Variants in TRPC4 observed in about 807,000 individuals in gnomAD.
TRPC4 encodes transient receptor potential cation channel subfamily C member 4.
In TRPC4, 49 loss-of-function variants were observed where a neutral mutation model predicts 99.4. The observed-to-expected ratio is 0.49, with a 90% confidence interval of 0.39 to 0.63. TRPC4 has a LOEUF of 0.63. Among genes scored for constraint, TRPC4 ranks in the 20% least tolerant of loss-of-function variants. TRPC4 has a pLI of 0.00. For missense variants in TRPC4, 898 were observed against 1,152.9 expected, an observed-to-expected ratio of 0.78 and a Z score of 3.20; for synonymous variants, 454 against 425.9, an observed-to-expected ratio of 1.07 and a Z score of -0.81.
At chr13:37,792,972 T>G (rs1034775751) in intron 1 of TRPC4, among the ~76,000 whole-genome samples, 2 of 151,984 alleles carry the variant, frequency 1.3e-5, no homozygotes, top group African/African-American at 4.8e-5. Context: ...TGTGTCTGTG[T>G]GAGGGAAAAA....
At chr13:37,830,156 T>C (rs2139588699) in intron 1 of TRPC4, among the ~76,000 whole-genome samples, 1 of 152,236 alleles carries the variant, frequency 6.6e-6, no homozygotes, top group South Asian at 2.1e-4. Context: ...TGAATTATAT[T>C]TTGATCATTT....
At chr13:37,862,874 G>A (rs911362506) in intron 1 of TRPC4, among the ~76,000 whole-genome samples, 7 of 151,288 alleles carry the variant, frequency 4.6e-5, no homozygotes, top group Admixed American at 2.0e-4. Context: ...ACACAGTCAC[G>A]CATCACATAA....
rs10514843 is a variant in TRPC4 at position 37,774,207 on chromosome 13, T to C, written c.378+8749A>G. Among the ~76,000 whole-genome samples the C allele has an allele frequency of 4.7e-3, 715 of 151,812 alleles. 45 individuals carry two copies. The East Asian group carries it at 0.12, about 26-fold the overall frequency. On this transcript the variant is annotated intron_variant, in intron 2 of 10. Transcript: ENST00000379705. ...TTTTTAAGGGAAGAGAGATTATACA[T>C]CCAGTTGACAAATTTACAACTATAA...
chr13:37,702,146 C>G (rs1165178507), intron 3 of TRPC4, among the ~76,000 whole-genome samples: 1 of 152,150 alleles, frequency 6.6e-6, no homozygotes, highest in Non-Finnish European at 1.5e-5. Context: ...ACGTGGCATT[C>G]TCCCTGTATG....
intron 2 of TRPC4, among the ~76,000 whole-genome samples, chr13:37,765,737 T>C (rs2139263910): frequency 6.6e-6 from 1 of 151,626 alleles, no homozygotes; most frequent in Non-Finnish European, 1.5e-5. Context: ...GGGCGTTTGT[T>C]GATCTGTATT....
intron 3 of TRPC4, among the ~76,000 whole-genome samples, chr13:37,743,435 A>G (rs995950430): frequency 7.9e-5 from 12 of 152,106 alleles, no homozygotes; most frequent in African/African-American, 2.9e-4. Flanking sequence ...TGACATTGAA[A>G]CCACTTTTTA....
intron 2 of TRPC4, among the ~76,000 whole-genome samples, chr13:37,766,031 T>G (rs1208918296): frequency 6.6e-6 from 1 of 151,426 alleles, no homozygotes; most frequent in Non-Finnish European, 1.5e-5. Context: ...ATGCAGCACA[T>G]GAATTAATGT....
Position 37,663,315 on chromosome 13 carries a change from C to T in TRPC4, c.1688+101G>A, listed in dbSNP as rs148059618. 1.1e-4 allele frequency: 129 copies of T among 1,164,900 alleles called. 2 individuals carry two copies. In the African/African-American group the frequency reaches 1.7e-3, roughly 15 times the overall value. 72.2% of individuals were successfully genotyped at this position (1,164,900 alleles called of 1,614,324 possible). ...TGCATTAAGCACAATTTTAGTTCCC[C>T]ATTTTCTTTACAACCATTTGTCATA... On this transcript the variant is annotated intron_variant, in intron 6 of 10. Transcript: ENST00000379705.
At chr13:37,822,934 TG>T (rs1312372977) in intron 1 of TRPC4, among the ~76,000 whole-genome samples, 5 of 147,982 alleles carry the variant, frequency 3.4e-5, no homozygotes, top group Non-Finnish European at 6.0e-5. Flanking sequence ...CAGCACCTGT[TG>T]TTTCCTGACT....
At chr13:37,671,080 G>A (rs949755270) in intron 5 of TRPC4, among the ~76,000 whole-genome samples, 1 of 152,122 alleles carries the variant, frequency 6.6e-6, no homozygotes, top group Non-Finnish European at 1.5e-5. Context: ...CTCTTGGGCA[G>A]ATTTGCATTT....
At chr13:37,772,094 C>A (rs1183183831) in intron 2 of TRPC4, among the ~76,000 whole-genome samples, 1 of 151,802 alleles carries the variant, frequency 6.6e-6, no homozygotes, top group Non-Finnish European at 1.5e-5. Flanking sequence ...CTGAAAGCTA[C>A]AACAGCAATT....
intron 1 of TRPC4, among the ~76,000 whole-genome samples, chr13:37,820,122 C>G (rs912984897): frequency 6.6e-6 from 1 of 151,970 alleles, no homozygotes; most frequent in Admixed American, 6.6e-5. Context: ...TTACCACCAA[C>G]CTCACAGAAA....
At position 37,637,505 on chromosome 13, in the gene TRPC4, C is replaced by G. The variant is rs1366391378; in HGVS notation, c.2332G>C (p.Asp778His). The G allele has an allele frequency of 6.2e-7, 1 of 1,613,764 alleles. No individual in the cohort carries two copies. Among genetic ancestry groups the G allele is most frequent in the South Asian group, 1.1e-5 (1 of 91,072 alleles). Residue 778 changes from aspartate (D) to histidine (H), a missense_variant, in exon 11 of 11, where the codon GAT (aspartate) becomes CAT (histidine). Transcript: ENST00000379705. ...TTACCTTCGCTATCACTCTTTTCAT[C>G]TGAGTCTGCCGAATTTGAAGACTCC... Reference protein sequence around the residue: ...SKESSNSADSDEKSDSEGNSK... With the variant: ...SKESSNSADSHEKSDSEGNSK...
intron 1 of TRPC4, among the ~76,000 whole-genome samples, chr13:37,784,411 G>A (rs1445859321): frequency 6.6e-6 from 1 of 151,960 alleles, no homozygotes; most frequent in Non-Finnish European, 1.5e-5. Flanking sequence ...CAAAGGTACT[G>A]GAAGCTATAT....
intron 1 of TRPC4, among the ~76,000 whole-genome samples, chr13:37,865,285 T>G (rs760223905): frequency 3.3e-5 from 5 of 151,672 alleles, no homozygotes; most frequent in Non-Finnish European, 5.9e-5. Context: ...AGATGTAGTA[T>G]AAACCTAACA....
intron 4 of TRPC4, among the ~76,000 whole-genome samples, chr13:37,674,783 G>A (rs1354725090): frequency 6.6e-6 from 1 of 152,140 alleles, no homozygotes; most frequent in Non-Finnish European, 1.5e-5. Flanking sequence ...ACTGGTTTCA[G>A]ACAATTAGTG....
intron 1 of TRPC4, among the ~76,000 whole-genome samples, chr13:37,789,522 A>G (rs1351299904): frequency 6.6e-6 from 1 of 152,158 alleles, no homozygotes; most frequent in African/African-American, 2.4e-5. Context: ...CAAAATTTGT[A>G]GGTGAATCAA....
At chr13:37,749,950 G>A (rs1955886151) in intron 2 of TRPC4, among the ~76,000 whole-genome samples, 1 of 152,084 alleles carries the variant, frequency 6.6e-6, no homozygotes, top group Non-Finnish European at 1.5e-5. Flanking sequence ...ATTAAAACCT[G>A]AGAGTGCCTG....
rs1314862336 is a variant in TRPC4, at chr13:37,636,703, T to C, written c.*200A>G. On this transcript the variant is annotated 3_prime_UTR_variant, in exon 11 of 11. Transcript: ENST00000379705. Reference sequence around the variant, plus strand: ...ACAAAAACAATTGTAAGACAAATTGTGAAAGCAAAAGCAGGCTACAAAACA... The same window carrying C: ...ACAAAAACAATTGTAAGACAAATTGCGAAAGCAAAAGCAGGCTACAAAACA... 1.8e-6 allele frequency: 1 copy of C among 554,648 alleles called. No individual in the cohort carries two copies. Among genetic ancestry groups the C allele is most frequent in the African/African-American group, 1.9e-5 (1 of 51,816 alleles). The allele number at this position is 554,648 out of a possible 1,614,324, so 34.4% of individuals were successfully genotyped here. A position where few individuals can be genotyped will look rare whatever the true frequency, so the allele number is the denominator to read the frequency against.
Sources: gnomAD v4.1 joint callset for allele counts (sites outside exome capture counted in the v4.1 genomes callset) on GRCh38, gnomAD v4.1.1 for gene constraint, MANE v1.5 for transcripts, NCBI Gene and HGNC (gene_info 2026-07-23, HGNC 2026-07-21) for gene names.